Variants in CSMD3 observed in about 807,000 individuals in gnomAD.
CSMD3 encodes the protein CUB and Sushi multiple domains 3, also known as CUB and sushi domain-containing protein 3.
Under a neutral mutation model 435.2 loss-of-function variants are expected in CSMD3, and 177 were observed. The observed-to-expected ratio is 0.41, with a 90% CI of 0.36 to 0.46. The LOEUF (loss-of-function observed/expected upper bound fraction) is 0.46. Ranked by LOEUF, CSMD3 falls within the 20% of genes least tolerant of loss-of-function variation. The pLI is 0.34. For synonymous variants in CSMD3, 1,656 were observed against 1,520.5 expected, an observed-to-expected ratio of 1.09 and a Z score of -2.07; for missense variants, 4,265 against 4,504.6, an observed-to-expected ratio of 0.95 and a Z score of 1.52.
intron 13 of CSMD3, among the ~76,000 whole-genome samples, chr8:112,691,824 A>C (rs2076143472): frequency 6.6e-6 from 1 of 151,968 alleles, no homozygotes; most frequent in African/African-American, 2.4e-5. Context: ...TTTGAGACAG[A>C]GTCTCTTACT....
intron 5 of CSMD3, among the ~76,000 whole-genome samples, chr8:113,039,892 A>C (rs1442517172): frequency 6.6e-6 from 1 of 152,222 alleles, no homozygotes; most frequent in African/African-American, 2.4e-5. Flanking sequence ...CTCTCTTACA[A>C]AAGTTAATTG....
chr8:113,169,639 A>T (rs2092230528), intron 4 of CSMD3, among the ~76,000 whole-genome samples: 2 of 152,156 alleles, frequency 1.3e-5, no homozygotes, highest in Non-Finnish European at 2.9e-5. Flanking sequence ...TTCCATCAAA[A>T]GTATGTGTCT....
chr8:112,344,714 A>AAG (rs1825498202), intron 41 of CSMD3, among the ~76,000 whole-genome samples: 1 of 152,168 alleles, frequency 6.6e-6, no homozygotes, highest in Non-Finnish European at 1.5e-5. Flanking sequence ...CAAAAGCTGT[A>AAG]AGAGAGTATA....
At chr8:113,205,319 G>A (rs748723921) in intron 3 of CSMD3, among the ~76,000 whole-genome samples, 3 of 152,066 alleles carry the variant, frequency 2.0e-5, no homozygotes, top group Non-Finnish European at 4.4e-5. Context: ...GATCTCATGA[G>A]AGTTATTATC....
chr8:112,610,839 T>C (rs1421006871), intron 22 of CSMD3, among the ~76,000 whole-genome samples: 1 of 152,164 alleles, frequency 6.6e-6, no homozygotes, highest in Non-Finnish European at 1.5e-5. Flanking sequence ...GGGAGTATAC[T>C]GAGCCTGCAA....
intron 9 of CSMD3, among the ~76,000 whole-genome samples, chr8:112,935,219 T>C (rs907647133): frequency 1.2e-4 from 19 of 152,136 alleles, no homozygotes; most frequent in Non-Finnish European, 1.8e-4. Flanking sequence ...AATGCATGAG[T>C]TTTTGCTGGC....
intron 67 of CSMD3, 23 bp from the exon 68 acceptor site, chr8:112,234,500 A>G: frequency 7.7e-7 from 1 of 1,302,568 alleles, no homozygotes; most frequent in South Asian, 1.2e-5. Flanking sequence ...AGGACATTTT[A>G]GTCTACTTAA....
At chr8:112,903,084 A>T (rs1184053009) in intron 10 of CSMD3, among the ~76,000 whole-genome samples, 1 of 125,944 alleles carries the variant, frequency 7.9e-6, no homozygotes, top group Non-Finnish European at 1.6e-5. Flanking sequence ...TCTGAGCATT[A>T]TGTGTCTTTC....
intron 66 of CSMD3, 69 bp downstream of exon 66, chr8:112,241,651 C>T: frequency 9.8e-7 from 1 of 1,019,704 alleles, no homozygotes; most frequent in Non-Finnish European, 1.6e-6. Context: ...TACACAGTTA[C>T]TATGCCAAGA....
chr8:112,855,810 T>TC, intron 11 of CSMD3, among the ~76,000 whole-genome samples: 1 of 9,692 alleles, frequency 1.0e-4, no homozygotes, highest in East Asian at 7.8e-3. Context: ...TTAGCGAAGC[T>TC]TTTTTTTTTT....
intron 61 of CSMD3, among the ~76,000 whole-genome samples, chr8:112,259,657 C>CA (rs1466459871): frequency 6.6e-6 from 1 of 151,864 alleles, no homozygotes; most frequent in Admixed American, 6.6e-5. Flanking sequence ...AATAATAGCA[C>CA]AAAAAACATT....
At chr8:113,190,800 G>A (rs1036206957) in intron 3 of CSMD3, among the ~76,000 whole-genome samples, 23 of 151,430 alleles carry the variant, frequency 1.5e-4, no homozygotes, top group Non-Finnish European at 3.1e-4. Flanking sequence ...CTTAGCAAAG[G>A]TATTCATTGT....
chr8:113,397,407 T>G (rs1334544140), intron 1 of CSMD3, among the ~76,000 whole-genome samples: 26 of 152,206 alleles, frequency 1.7e-4, no homozygotes. Context: ...TAGGAATTCC[T>G]TCTAGCCCAC....
chr8:112,913,862 C>T (rs1043605672), intron 10 of CSMD3, among the ~76,000 whole-genome samples: 1 of 151,818 alleles, frequency 6.6e-6, no homozygotes, highest in African/African-American at 2.4e-5. Flanking sequence ...CTCTTCTAGG[C>T]AGAGTGGTTC....
At chr8:112,792,887 T>C (rs2078725884) in intron 13 of CSMD3, among the ~76,000 whole-genome samples, 1 of 151,928 alleles carries the variant, frequency 6.6e-6, no homozygotes, top group Non-Finnish European at 1.5e-5. Flanking sequence ...ACAAAAATCT[T>C]AAGGGTGAAA....
chr8:112,947,815 C>T lies in CSMD3; in HGVS notation c.1483G>A (p.Gly495Arg), dbSNP rs2130797924. The T allele has an allele frequency of 6.7e-7, 1 of 1,482,406 alleles. No homozygotes were observed. The highest frequency in any genetic ancestry group is 9.4e-7 in the Non-Finnish European group (1 of 1,062,204). The allele number at this position is 1,482,406 out of a possible 1,614,324, so 91.8% of individuals were successfully genotyped here. ...CTAAAATCTGATCCGATTCTCTTCCCATTTTCTGGTTCTCCTGGATCTGGG... is the reference window on the plus strand; with the variant it reads ...CTAAAATCTGATCCGATTCTCTTCCTATTTTCTGGTTCTCCTGGATCTGGG... Reference protein sequence around the residue: ...LCPDPGEPENGKRIGSDFSLG... With the variant: ...LCPDPGEPENRKRIGSDFSLG... The change falls in exon 9 of 71, where the codon GGG becomes AGG. Residue 495 changes from glycine (G) to arginine (R), a missense_variant. Physicochemically the swap from Gly to Arg is moderately radical, Grantham distance 125 (BLOSUM62 -2). This residue lies in a region of CSMD3 where 731 missense variants were observed against 755.4 expected (regional missense o/e 0.97). Transcript: ENST00000297405.
At chr8:112,416,223 T>C (rs1309834346) in intron 32 of CSMD3, among the ~76,000 whole-genome samples, 2 of 152,152 alleles carry the variant, frequency 1.3e-5, no homozygotes, top group South Asian at 4.1e-4. Context: ...ATAGCTGTTG[T>C]CATGATAGTG....
intron 63 of CSMD3, 144 bp from the exon 64 acceptor site, chr8:112,247,275 A>G: frequency 1.5e-6 from 1 of 650,736 alleles, no homozygotes; most frequent in African/African-American, 1.8e-5. Flanking sequence ...CTGATTTAAA[A>G]TAAAATGGGA....
intron 13 of CSMD3, among the ~76,000 whole-genome samples, chr8:112,762,106 C>A (rs1284581873): frequency 6.6e-6 from 1 of 152,020 alleles, no homozygotes; most frequent in Non-Finnish European, 1.5e-5. Flanking sequence ...AGATGGCATT[C>A]TTGTGTCTTT....
Sources: gnomAD v4.1 joint callset for allele counts (sites outside exome capture counted in the v4.1 genomes callset) on GRCh38, gnomAD v4.1.1 for gene constraint, gnomAD v4.1.1 regional missense constraint, MANE v1.5 for transcripts, NCBI Gene and HGNC (gene_info 2026-07-23, HGNC 2026-07-21) for gene names.